Variants in MRRF observed in about 807,000 individuals in gnomAD.
MRRF encodes the protein ribosome-recycling factor, mitochondrial.
MRRF carries 18 observed loss-of-function variants against 25.1 expected under a neutral mutation model. The observed-to-expected ratio is 0.72, with a 90% CI of 0.50 to 1.06. The LOEUF (loss-of-function observed/expected upper bound fraction) is 1.06, where lower values mean the gene tolerates loss of function less well. Among genes scored for constraint, MRRF ranks in the 50% least tolerant of loss-of-function variants. The pLI is 0.00. For missense variants in MRRF, 323 were observed against 319.3 expected, an observed-to-expected ratio of 1.01 and a Z score of -0.09; for synonymous variants, 113 against 112.1, an observed-to-expected ratio of 1.01 and a Z score of -0.05.
At chr9:122,266,778 A>G (rs1193518612) in intron 1 of MRRF, among the ~76,000 whole-genome samples, 1 of 152,220 alleles carries the variant, frequency 6.6e-6, no homozygotes, top group Non-Finnish European at 1.5e-5. Flanking sequence ...TGGAAAAAGA[A>G]TGTGTGCTTC....
At chr9:122,304,341 G>A (rs1435687171) in intron 5 of MRRF, among the ~76,000 whole-genome samples, 1 of 152,148 alleles carries the variant, frequency 6.6e-6, no homozygotes, top group Non-Finnish European at 1.5e-5. Context: ...TTGAACACCT[G>A]TCTTCTGCTC....
At chr9:122,305,115 A>T (rs1007458608) in intron 5 of MRRF, among the ~76,000 whole-genome samples, 6 of 151,996 alleles carry the variant, frequency 3.9e-5, no homozygotes, top group African/African-American at 9.7e-5. Flanking sequence ...CTAATTTTTT[A>T]AAAAAACCTT....
At chr9:122,292,347 G>A (rs1025268445) in intron 5 of MRRF, among the ~76,000 whole-genome samples, 5 of 152,096 alleles carry the variant, frequency 3.3e-5, no homozygotes, top group African/African-American at 1.2e-4. Flanking sequence ...CTTGACACTG[G>A]TAGTCTCTAA....
At chr9:122,272,525 C>T (rs928892197) in intron 2 of MRRF, among the ~76,000 whole-genome samples, 4 of 151,060 alleles carry the variant, frequency 2.6e-5, no homozygotes, top group African/African-American at 7.3e-5. Context: ...AATTGCTGGG[C>T]CTGGTGGCCT....
chr9:122,299,694 T>C (rs775552262), intron 5 of MRRF, among the ~76,000 whole-genome samples: 3 of 152,038 alleles, frequency 2.0e-5, no homozygotes, highest in African/African-American at 7.2e-5. Flanking sequence ...CAAAGAAGAC[T>C]GAGAACAGGT....
chr9:122,322,375 AG>A (rs1355624924), intron 6 of MRRF, among the ~76,000 whole-genome samples, 164 bp from the exon 7 acceptor site: 3 of 152,112 alleles, frequency 2.0e-5, no homozygotes, highest in Non-Finnish European at 4.4e-5. Flanking sequence ...AAAAAAAAAA[AG>A]AATGTATATA....
At position 122,280,502 on chromosome 9, in the gene MRRF, A is replaced by G; in HGVS notation, c.244A>G (p.Ile82Val). 6.2e-7 allele frequency: 1 copy of G among 1,614,072 alleles called. No individual in the cohort carries two copies. Among genetic ancestry groups the G allele is most frequent in the Non-Finnish European group, 8.5e-7 (1 of 1,179,910 alleles). The change falls in exon 3 of 7, where the codon ATA (isoleucine) becomes GTA (valine). Residue 82 changes from isoleucine (I) to valine (V), a missense_variant. By Grantham distance (29) the Ile-to-Val change is conservative (BLOSUM62 3). Transcript: ENST00000344641. ...VNINAALVED[I>V]INLEEVNEEM... is the part of the protein sequence containing the mutation. ...TATTAATGCTGCCTTGGTTGAGGAT[A>G]TAATCAACTTGGAAGAGGTGAATGA...
rs1588021024 is a variant in MRRF at position 122,280,429 on chromosome 9, T to C, written c.185-14T>C. Reference sequence around the variant, plus strand: ...TGCTGCTGTTGTTTTATTCACTGAATGTTCACTTTTTAGCCAAAGGGAAAG... The same window carrying C: ...TGCTGCTGTTGTTTTATTCACTGAACGTTCACTTTTTAGCCAAAGGGAAAG... On this transcript the variant is annotated splice_polypyrimidine_tract_variant and intron_variant, in intron 2 of 6. Coordinates refer to ENST00000344641, the MANE Select transcript of MRRF (RefSeq NM_138777.5). The C allele has an allele frequency of 6.2e-7, 1 of 1,614,080 alleles. No individual in the cohort carries two copies. Among genetic ancestry groups the C allele is most frequent in the East Asian group, 2.2e-5 (1 of 44,872 alleles).
chr9:122,271,536 C>T (rs1156875028), intron 2 of MRRF, among the ~76,000 whole-genome samples: 3 of 152,184 alleles, frequency 2.0e-5, no homozygotes, highest in Non-Finnish European at 2.9e-5. Context: ...TGATGTACTG[C>T]AGGTCTCAGC....
At chr9:122,304,062 A>AAC (rs66775611) in intron 5 of MRRF, among the ~76,000 whole-genome samples, 29,573 of 139,682 alleles carry the variant, frequency 0.21, 2,962 homozygotes, top group Middle Eastern at 0.29. Context: ...ACCCTTTTCT[A>AAC]ACACACACAC....
intron 6 of MRRF, among the ~76,000 whole-genome samples, chr9:122,317,812 T>C (rs1038137206): frequency 6.6e-6 from 1 of 152,204 alleles, no homozygotes; most frequent in African/African-American, 2.4e-5. Flanking sequence ...AGCTTTATTA[T>C]AAAAATGCTT....
At chr9:122,286,327 C>T (rs1282837434) in intron 4 of MRRF, among the ~76,000 whole-genome samples, 1 of 152,206 alleles carries the variant, frequency 6.6e-6, no homozygotes, top group Non-Finnish European at 1.5e-5. Flanking sequence ...GCTCTGATAG[C>T]TAATGGGCCA....
intron 2 of MRRF, among the ~76,000 whole-genome samples, chr9:122,276,739 GGT>G (rs1322650178): frequency 1.3e-5 from 2 of 151,810 alleles, no homozygotes; most frequent in Non-Finnish European, 2.9e-5. Flanking sequence ...TTTTTTCTTG[GGT>G]GTATTGTATT....
At position 122,285,148 on chromosome 9, in the gene MRRF, ACT is replaced by A. The variant is rs1040896824; in HGVS notation, c.341-18_341-17del. 2.0e-6 allele frequency: 3 copies of A among 1,503,012 alleles called. No homozygotes were observed. The highest frequency in any genetic ancestry group is 1.4e-5 in the African/African-American group (1 of 72,606). 93.1% of individuals were successfully genotyped at this position (1,503,012 alleles called of 1,614,324 possible). On this transcript the variant is annotated intron_variant, in intron 3 of 6. Transcript: ENST00000344641. ...TACTAAGGTTCTTTGGAATTCTAAAACTCTGTAATTTTTCTTTTAGGATCCCT... is the reference window on the plus strand; with the variant it reads ...TACTAAGGTTCTTTGGAATTCTAAAACTGTAATTTTTCTTTTAGGATCCCT...
chr9:122,274,563 TG>T (rs1832664351), intron 2 of MRRF, among the ~76,000 whole-genome samples: 1 of 151,722 alleles, frequency 6.6e-6, no homozygotes, highest in Non-Finnish European at 1.5e-5. Context: ...TGTGTGTGTG[TG>T]TGTGTGTGTG....
intron 2 of MRRF, among the ~76,000 whole-genome samples, chr9:122,272,903 T>C (rs1313521001): frequency 2.0e-5 from 3 of 152,188 alleles, no homozygotes; most frequent in African/African-American, 4.8e-5. Flanking sequence ...GCCTACTCTT[T>C]ACTCCCAGAT....
At position 122,313,340 on chromosome 9, in the gene MRRF, C is replaced by T. The variant is rs1482663628; in HGVS notation, c.665C>T (p.Ser222Phe). The T allele has an allele frequency of 8.7e-6, 14 of 1,613,952 alleles. No homozygotes were observed. Among genetic ancestry groups the T allele is most frequent in the Admixed American group, 8.3e-5 (5 of 59,994 alleles). Residue 222 changes from serine (S) to phenylalanine (F), a missense_variant, in exon 6 of 7, where the codon TCC (serine) becomes TTC (phenylalanine). Transcript: ENST00000344641. The stretch of plus-strand genomic sequence containing the variant: ...AACTCAATGAACAAGCTGAAGAAAT[C>T]CAAGGATACAGTCTCAGAGGACACC... ...RTNSMNKLKKSKDTVSEDTIR... is the reference protein window; with the variant it reads ...RTNSMNKLKKFKDTVSEDTIR...
intron 4 of MRRF, chr9:122,285,971 C>T (rs1564484878): frequency 7.7e-7 from 1 of 1,303,848 alleles, no homozygotes; most frequent in Non-Finnish European, 1.0e-6. Context: ...GTCATTGCAT[C>T]TTTGAAGCTT....
intron 5 of MRRF, among the ~76,000 whole-genome samples, chr9:122,295,397 G>A (rs1834022595): frequency 6.6e-6 from 1 of 151,756 alleles, no homozygotes; most frequent in Admixed American, 6.6e-5. Flanking sequence ...CTTAAGTTGG[G>A]ACTTTGAGGG....
Sources: allele counts gnomAD v4.1 joint callset (sites outside exome capture counted in the v4.1 genomes callset), GRCh38; gene constraint gnomAD v4.1.1; transcripts MANE v1.5; gene names NCBI Gene and HGNC (gene_info 2026-07-23, HGNC 2026-07-21).